The following DST variants were observed in gnomAD, a reference collection of about 807,000 sequenced individuals.
DST encodes dystonin.
A neutral mutation model predicts 875.2 loss-of-function variants in DST; 253 were observed. The ratio of observed to expected loss-of-function variants is 0.29; its 90% confidence interval spans 0.26 to 0.32. DST has a LOEUF of 0.32. Among genes scored for constraint, DST ranks in the 10% least tolerant of loss-of-function variants. The pLI, the probability that DST is intolerant of heterozygous loss-of-function variation, is 1.00. For synonymous variants in DST, 3,124 were observed against 3,197.1 expected (o/e 0.98, Z 0.77); for missense variants, 8,287 against 9,111.6 (o/e 0.91, Z 3.68).
intron 63 of DST, among the ~76,000 whole-genome samples, chr6:56,534,903 T>A (rs762406855): frequency 6.6e-6 from 1 of 152,230 alleles, no homozygotes; most frequent in Non-Finnish European, 1.5e-5. Context: ...GAAATGTTCA[T>A]CTTTTTTATT....
chr6:56,754,495 C>G (rs1433305031), intron 4 of DST, among the ~76,000 whole-genome samples: 1 of 152,132 alleles, frequency 6.6e-6, no homozygotes, highest in Non-Finnish European at 1.5e-5. Context: ...CTTCTAAATA[C>G]AGACCATTCT....
intron 3 of DST, among the ~76,000 whole-genome samples, chr6:56,866,911 T>C (rs1005999617): frequency 2.0e-5 from 3 of 152,218 alleles, no homozygotes; most frequent in African/African-American, 7.2e-5. Flanking sequence ...CGAGTTCCAA[T>C]TTCCTGCAAT....
At chr6:56,765,836 C>G (rs1400292336) in intron 4 of DST, among the ~76,000 whole-genome samples, 1 of 152,212 alleles carries the variant, frequency 6.6e-6, no homozygotes, top group Non-Finnish European at 1.5e-5. Flanking sequence ...CTTTCCTAAG[C>G]AGGAAAACAA....
chr6:56,922,771 T>C (rs1804965461), intron 2 of DST, among the ~76,000 whole-genome samples: 2 of 152,194 alleles, frequency 1.3e-5, no homozygotes, highest in East Asian at 1.9e-4. Context: ...TCTTTATTGT[T>C]TGGAATTTCT....
chr6:56,711,356 T>C (rs535130745), intron 5 of DST, among the ~76,000 whole-genome samples: 2 of 152,312 alleles, frequency 1.3e-5, no homozygotes, highest in South Asian at 4.1e-4. Context: ...TTTTAAATAT[T>C]TTTAAATAGG....
chr6:56,941,493 T>C (rs955605633), intron 2 of DST, among the ~76,000 whole-genome samples: 1 of 152,192 alleles, frequency 6.6e-6, no homozygotes, highest in Non-Finnish European at 1.5e-5. Flanking sequence ...TATTTATTTA[T>C]TCATTTTAAG....
chr6:56,904,776 C>T (rs117624679), intron 2 of DST, among the ~76,000 whole-genome samples: 1 of 152,150 alleles, frequency 6.6e-6, no homozygotes, highest in East Asian at 1.9e-4. Context: ...ATAAGTTCTT[C>T]CAGGTGTTAA....
intron 4 of DST, among the ~76,000 whole-genome samples, chr6:56,757,061 A>G (rs2099605902): frequency 6.6e-6 from 1 of 152,258 alleles, no homozygotes; most frequent in African/African-American, 2.4e-5. Flanking sequence ...TTTTCATTTT[A>G]AAGCAAAGGA....
chr6:56,814,708 C>T (rs1018400324), intron 4 of DST, among the ~76,000 whole-genome samples: 6 of 152,156 alleles, frequency 3.9e-5, no homozygotes. Flanking sequence ...GAACTCTCTA[C>T]TCTTAAGATG....
In DST at chr6:56,458,443, G is replaced by T. The variant is rs2094170524; in HGVS notation, c.*562C>A. The T allele has an allele frequency of 1.3e-5, 2 of 152,294 alleles. No homozygotes were observed. The highest frequency in any genetic ancestry group is 1.5e-5 in the Non-Finnish European group (1 of 68,072). The allele number at this position is 152,294 out of a possible 1,614,324, so 9.4% of individuals were successfully genotyped here. A position where few individuals can be genotyped will look rare whatever the true frequency, so the allele number is the denominator to read the frequency against. On this transcript the variant is annotated 3_prime_UTR_variant, in exon 104 of 104. Transcript: ENST00000680361. The stretch of plus-strand genomic sequence containing the variant: ...TGGCCTCATTGAAAGCAATGGCAGA[G>T]AAATGCTGCAAGGTACTTGAATATC...
chr6:56,678,559 T>C (rs1446223654), intron 9 of DST, among the ~76,000 whole-genome samples: 3 of 152,160 alleles, frequency 2.0e-5, no homozygotes, highest in Admixed American at 6.6e-5. Context: ...ATATGTATAT[T>C]TCATATATAC....
At chr6:56,882,333 G>C (rs1782620743) in intron 3 of DST, among the ~76,000 whole-genome samples, 1 of 152,170 alleles carries the variant, frequency 6.6e-6, no homozygotes, top group Non-Finnish European at 1.5e-5. Flanking sequence ...TCCAGTTTTG[G>C]AGAAAGTAAA....
At chr6:56,643,636 G>A (rs1479722525) in intron 15 of DST, among the ~76,000 whole-genome samples, 2 of 152,182 alleles carry the variant, frequency 1.3e-5, no homozygotes, top group East Asian at 3.8e-4. Context: ...AAATTCGCAT[G>A]AAGAAACATG....
At chr6:56,461,668 C>T (rs1453773487) in intron 102 of DST, 3 of 152,290 alleles carry the variant, frequency 2.0e-5, no homozygotes, top group Non-Finnish European at 2.9e-5. Flanking sequence ...AAAATAACTA[C>T]TTAGACTTTG....
At chr6:56,689,124 TCATAA>T (rs1397498549) in intron 9 of DST, among the ~76,000 whole-genome samples, 4 of 152,124 alleles carry the variant, frequency 2.6e-5, no homozygotes, top group Non-Finnish European at 4.4e-5. Context: ...AAGATGGAGC[TCATAA>T]CAGAACACTT....
intron 58 of DST, among the ~76,000 whole-genome samples, 159 bp downstream of exon 58, chr6:56,560,135 A>C (rs1584927578): frequency 6.6e-6 from 1 of 152,172 alleles, no homozygotes; most frequent in African/African-American, 2.4e-5. Flanking sequence ...TCTGCACAAT[A>C]TAATTTGAAA....
chr6:56,592,174 C>T lies in DST; in HGVS notation c.12903+8G>A. 1.2e-6 allele frequency: 2 copies of T among 1,611,232 alleles called. No homozygotes were observed. The highest frequency in any genetic ancestry group is 1.7e-6 in the Non-Finnish European group (2 of 1,178,860). The stretch of plus-strand genomic sequence containing the variant: ...ACTGGAAATGTGGATCTTTCTCTCG[C>T]TTTTTACCTTGGTCTCTTCTAATTG... On this transcript the variant is annotated splice_region_variant and intron_variant, in intron 49 of 103. Transcript: ENST00000680361.
intron 64 of DST, 44 bp downstream of exon 64, chr6:56,532,300 G>C (rs2096909466): frequency 2.6e-6 from 4 of 1,563,086 alleles, no homozygotes; most frequent in Middle Eastern, 1.7e-4. Flanking sequence ...TGTAGACAGA[G>C]GCCACTGCTA....
At chr6:56,914,211 T>C (rs1334503891) in intron 2 of DST, among the ~76,000 whole-genome samples, 2 of 152,228 alleles carry the variant, frequency 1.3e-5, no homozygotes, top group Non-Finnish European at 2.9e-5. Context: ...ATATTAAGTA[T>C]GGAACCAACA....
Sources: allele counts gnomAD v4.1 joint callset (sites outside exome capture counted in the v4.1 genomes callset), GRCh38; gene constraint gnomAD v4.1.1; transcripts MANE v1.5; gene names NCBI Gene and HGNC (gene_info 2026-07-23, HGNC 2026-07-21).